ROBO2: variants seen among roughly 807,000 people sequenced by gnomAD.
The protein encoded by ROBO2 is roundabout homolog 2.
Under a neutral mutation model 160.8 loss-of-function variants are expected in ROBO2, and 53 were observed. That is an observed-to-expected ratio of 0.33 (90% CI 0.26 to 0.41). The LOEUF (loss-of-function observed/expected upper bound fraction) is 0.41. Among genes scored for constraint, ROBO2 ranks in the 10% least tolerant of loss-of-function variants. The pLI is 1.00. For synonymous variants in ROBO2, 664 were observed against 611.7 expected, an observed-to-expected ratio of 1.09 and a Z score of -1.26; for missense variants, 1,577 against 1,722.4, an observed-to-expected ratio of 0.92 and a Z score of 1.49.
chr3:77,040,133 G>C, exon 1 of ROBO2: 1 of 984,418 alleles, frequency 1.0e-6, no homozygotes, highest in Non-Finnish European at 1.2e-6. Flanking sequence ...GAATCGTCCT[G>C]ATTTCCCTTC....
intron 2 of ROBO2, among the ~76,000 whole-genome samples, chr3:76,661,655 G>A (rs1398315779): frequency 6.6e-6 from 1 of 152,158 alleles, no homozygotes; most frequent in Non-Finnish European, 1.5e-5. Flanking sequence ...CGTCCAAAGA[G>A]TTGAAGTCAG....
intron 2 of ROBO2, among the ~76,000 whole-genome samples, chr3:77,376,840 C>A (rs776051956): frequency 1.1e-4 from 16 of 152,132 alleles, no homozygotes; most frequent in Non-Finnish European, 2.2e-4. Flanking sequence ...CAATGACCAC[C>A]CACTTGCCAT....
chr3:76,307,090 A>G (rs1190280450), intron 2 of ROBO2, among the ~76,000 whole-genome samples: 1 of 152,138 alleles, frequency 6.6e-6, no homozygotes, highest in Non-Finnish European at 1.5e-5. Flanking sequence ...CTACTCATCT[A>G]TAGGTTCCAC....
intron 2 of ROBO2, among the ~76,000 whole-genome samples, chr3:76,802,362 T>C (rs1386034753): frequency 6.6e-6 from 1 of 152,204 alleles, no homozygotes; most frequent in African/African-American, 2.4e-5. Flanking sequence ...TAGTTTACCA[T>C]GAATTTACCA....
At chr3:76,805,218 G>A (rs1389406289) in intron 2 of ROBO2, among the ~76,000 whole-genome samples, 2 of 151,934 alleles carry the variant, frequency 1.3e-5, no homozygotes, top group Admixed American at 6.6e-5. Context: ...GTCAATACAA[G>A]CGCCTTCCCT....
intron 2 of ROBO2, among the ~76,000 whole-genome samples, chr3:77,253,189 T>G (rs984383069): frequency 6.6e-6 from 1 of 152,166 alleles, no homozygotes; most frequent in African/African-American, 2.4e-5. Context: ...AGTCATGGTT[T>G]CAACGTGCAA....
intron 2 of ROBO2, among the ~76,000 whole-genome samples, chr3:77,194,678 G>A (rs926368346): frequency 9.9e-5 from 15 of 152,134 alleles, no homozygotes; most frequent in Admixed American, 2.0e-4. Flanking sequence ...ATCAGTGTTA[G>A]GTTAACTGTG....
exon 3 of ROBO2, chr3:77,477,505 C>A: frequency 6.2e-7 from 1 of 1,613,968 alleles, no homozygotes; most frequent in Non-Finnish European, 8.5e-7. Flanking sequence ...CCCGGGGACA[C>A]CCAGAACCCA....
chr3:77,627,212 G>A (rs372390864), intron 23 of ROBO2, among the ~76,000 whole-genome samples: 10 of 152,142 alleles, frequency 6.6e-5, no homozygotes, highest in South Asian at 4.2e-4. Context: ...ATCAAGCATC[G>A]TATGTCCTAA....
intron 2 of ROBO2, among the ~76,000 whole-genome samples, chr3:76,676,928 C>T (rs2092426380): frequency 6.6e-6 from 1 of 152,062 alleles, no homozygotes; most frequent in South Asian, 2.1e-4. Context: ...CCTGGGACTA[C>T]ATAGAACCCC....
At chr3:77,556,952 C>T (rs1204197243) in intron 8 of ROBO2, among the ~76,000 whole-genome samples, 2 of 151,762 alleles carry the variant, frequency 1.3e-5, no homozygotes, top group Admixed American at 1.3e-4. Flanking sequence ...CTGGACATGT[C>T]CTTTTGATTA....
chr3:76,221,064 C>G (rs998556465), intron 2 of ROBO2, among the ~76,000 whole-genome samples: 1 of 152,174 alleles, frequency 6.6e-6, no homozygotes, highest in African/African-American at 2.4e-5. Context: ...TGTAGATATA[C>G]TCTTCTTTAC....
intron 2 of ROBO2, among the ~76,000 whole-genome samples, chr3:76,568,101 C>A (rs1023726114): frequency 4.0e-5 from 6 of 151,792 alleles, no homozygotes; most frequent in African/African-American, 1.5e-4. Flanking sequence ...AGGCATAAGC[C>A]ACTGCACCCT....
intron 2 of ROBO2, among the ~76,000 whole-genome samples, chr3:76,506,429 C>T (rs13079823): frequency 0.3 from 45,621 of 151,970 alleles, 8,488 homozygotes; most frequent in Non-Finnish European, 0.41. Context: ...TCAATGTATC[C>T]TTCGTTTTCT....
At chr3:76,844,079 T>C (rs2068554029) in intron 2 of ROBO2, among the ~76,000 whole-genome samples, 1 of 152,042 alleles carries the variant, frequency 6.6e-6, no homozygotes, top group African/African-American at 2.4e-5. Context: ...CGGTTCTTTG[T>C]TGCTAAGGGA....
chr3:76,735,785 A>AAGGG (rs1560468187), intron 2 of ROBO2, among the ~76,000 whole-genome samples: 4 of 30,922 alleles, frequency 1.3e-4, no homozygotes, highest in Non-Finnish European at 1.7e-4. Flanking sequence ...AGAAAAAAAA[A>AAGGG]AGGGGAAAGG....
chr3:77,024,852 G>A (rs1311344858), intron 2 of ROBO2, among the ~76,000 whole-genome samples: 1 of 152,134 alleles, frequency 6.6e-6, no homozygotes, highest in African/African-American at 2.4e-5. Context: ...CCATATTGGA[G>A]GGGGAAAAGA....
intron 2 of ROBO2, among the ~76,000 whole-genome samples, chr3:77,354,790 A>C (rs1263389271): frequency 6.6e-6 from 1 of 152,158 alleles, no homozygotes; most frequent in Admixed American, 6.5e-5. Flanking sequence ...AAGAGTGAAA[A>C]GTCACACATG....
chr3:77,376,489 A>C (rs1256191759), intron 2 of ROBO2, among the ~76,000 whole-genome samples: 1 of 152,042 alleles, frequency 6.6e-6, no homozygotes, highest in African/African-American at 2.4e-5. Flanking sequence ...TTATGTCAAC[A>C]AGCTAAAATT....
Sources: allele counts gnomAD v4.1 joint callset (sites outside exome capture counted in the v4.1 genomes callset), GRCh38; gene constraint gnomAD v4.1.1; transcripts MANE v1.5; gene names NCBI Gene and HGNC (gene_info 2026-07-23, HGNC 2026-07-21).